The following CST8 variants were observed in gnomAD, a reference collection of about 807,000 sequenced individuals.
CST8 encodes the protein cystatin 8.
In CST8, 20 loss-of-function variants were observed where a neutral mutation model predicts 11.8. The observed-to-expected ratio is 1.70, with a 90% CI of 1.20 to 2.47. The LOEUF is 2.47. Ranked by LOEUF, CST8 falls within the 30% of genes most tolerant of loss-of-function variation. The pLI, the probability that CST8 is intolerant of heterozygous loss-of-function variation, is 0.00. For missense variants in CST8, 196 were observed against 167.2 expected (o/e 1.17, Z -0.95); for synonymous variants, 77 against 63.1 (o/e 1.22, Z -1.05).
intron 1 of CST8, 23 bp downstream of exon 1, chr20:23,491,365 C>T (rs992434586): frequency 3.8e-5 from 16 of 417,406 alleles, no homozygotes; most frequent in Non-Finnish European, 6.2e-5. Context: ...ACACTGGGGC[C>T]GAAGGGGAGA....
downstream of CST8, among the ~76,000 whole-genome samples, chr20:23,500,184 C>G (rs1236255103): frequency 1.3e-5 from 2 of 152,114 alleles, no homozygotes; most frequent in Admixed American, 1.3e-4. Flanking sequence ...CCAAGCACCT[C>G]CCACCAGGCC....
At chr20:23,491,488 C>T in intron 1 of CST8, 37 bp from the exon 2 acceptor site, 1 of 607,892 alleles carries the variant, frequency 1.6e-6, no homozygotes, top group Non-Finnish European at 2.9e-6. Context: ...GAGGACAAAC[C>T]CCAAAGAGTG....
chr20:23,501,936 C>A, the CST8 span, among the ~76,000 whole-genome samples: 1 of 152,172 alleles, frequency 6.6e-6, no homozygotes, highest in African/African-American at 2.4e-5. Flanking sequence ...GTGGACACGC[C>A]GGCTTTCTGC....
Position 23,491,635 on chromosome 20 carries a change from G to A in CST8, c.-33G>A. On this transcript the variant is annotated 5_prime_UTR_variant, in exon 2 of 4. Transcript: ENST00000246012. ...AGCTCCAGCCCTGAGACGACGAGGA[G>A]GAGAGTCGACTTTGCCTCTTGCCCA... 6.5e-7 allele frequency: 1 copy of A among 1,546,114 alleles called. No homozygotes were observed. Among genetic ancestry groups the A allele is most frequent in the Non-Finnish European group, 8.9e-7 (1 of 1,119,040 alleles).
At chr20:23,498,253 C>A (rs1988102964), downstream of CST8, among the ~76,000 whole-genome samples, 2 of 152,006 alleles carry the variant, frequency 1.3e-5, no homozygotes, top group Non-Finnish European at 2.9e-5. Context: ...ACTACACACT[C>A]AAAAATAGTT....
Position 23,492,946 on chromosome 20 carries a change from G to T in CST8, c.232-12G>T. The T allele has an allele frequency of 1.4e-6, 2 of 1,450,382 alleles. No individual in the cohort carries two copies. Among genetic ancestry groups the T allele is most frequent in the Non-Finnish European group, 1.9e-6 (2 of 1,032,162 alleles). The allele number at this position is 1,450,382 out of a possible 1,614,324, so 89.8% of individuals were successfully genotyped here. A position where few individuals can be genotyped will look rare whatever the true frequency, so the allele number is the denominator to read the frequency against. ...CTCTTTTGAATAAAATTGCATAATT[G>T]CTAACCAACAGGTCACAAATCTTCT... On this transcript the variant is annotated splice_polypyrimidine_tract_variant and intron_variant, in intron 2 of 3. Coordinates refer to ENST00000246012, the MANE Select transcript of CST8 (RefSeq NM_005492.4).
rs1988031878 is a variant in CST8, at chr20:23,495,861, C to T, written c.376C>T (p.Leu126Phe). The T allele has an allele frequency of 3.1e-6, 5 of 1,609,912 alleles. No homozygotes were observed. The highest frequency in any genetic ancestry group is 4.2e-6 in the Non-Finnish European group (5 of 1,178,966). The change falls in exon 4 of 4, where the codon CTT becomes TTT. Residue 126 changes from leucine to phenylalanine, a missense_variant. Transcript: ENST00000246012. ...AAGCTGCAGCTTTTTGGTAGGAGCACTTCCCTGGAATGGTGAATTCACTGT... is the reference window on the plus strand; with the variant it reads ...AAGCTGCAGCTTTTTGGTAGGAGCATTTCCCTGGAATGGTGAATTCACTGT... ...KLSCSFLVGA[L>F]PWNGEFTVME...
At chr20:23,502,928 A>G in the CST8 span, among the ~76,000 whole-genome samples, 1 of 152,246 alleles carries the variant, frequency 6.6e-6, no homozygotes, top group Non-Finnish European at 1.5e-5. Flanking sequence ...GAATTTACCA[A>G]TCTAGGGGTT....
the CST8 span, among the ~76,000 whole-genome samples, chr20:23,502,538 T>C: frequency 2.6e-5 from 4 of 152,318 alleles, no homozygotes; most frequent in African/African-American, 9.6e-5. Context: ...TAAACCATCC[T>C]AGTCCCTGCT....
intron 2 of CST8, among the ~76,000 whole-genome samples, 157 bp downstream of exon 2, chr20:23,492,055 G>A (rs925896414): frequency 1.3e-5 from 2 of 152,232 alleles, no homozygotes; most frequent in African/African-American, 4.8e-5. Flanking sequence ...CAATAAGGCA[G>A]TGAACACACA....
chr20:23,499,908 G>A (rs1434845727), downstream of CST8, among the ~76,000 whole-genome samples: 1 of 152,106 alleles, frequency 6.6e-6, no homozygotes, highest in Non-Finnish European at 1.5e-5. Flanking sequence ...AGTTTATTTG[G>A]CTCACAGTTC....
intron 3 of CST8, among the ~76,000 whole-genome samples, chr20:23,494,601 C>A (rs911289176): frequency 3.9e-5 from 6 of 152,054 alleles, no homozygotes; most frequent in African/African-American, 1.4e-4. Flanking sequence ...TTGAGATGGC[C>A]CTTGCGGTTT....
At chr20:23,501,678 A>G in the CST8 span, among the ~76,000 whole-genome samples, 1 of 152,220 alleles carries the variant, frequency 6.6e-6, no homozygotes, top group Non-Finnish European at 1.5e-5. Flanking sequence ...CGAATGTACT[A>G]TTTGGATCCT....
At chr20:23,505,532 A>T in the CST8 span, among the ~76,000 whole-genome samples, 3 of 151,944 alleles carry the variant, frequency 2.0e-5, no homozygotes, top group Non-Finnish European at 4.4e-5. Context: ...GAAAAAAAAA[A>T]ATCACACCCC....
intron 3 of CST8, 106 bp from the exon 4 acceptor site, chr20:23,495,725 C>G (rs1568656727): frequency 1.2e-6 from 1 of 828,710 alleles, no homozygotes; most frequent in Non-Finnish European, 2.0e-6. Context: ...ACCCATCTGT[C>G]AGCACACACC....
At chr20:23,503,835 G>A in the CST8 span, among the ~76,000 whole-genome samples, 5 of 152,194 alleles carry the variant, frequency 3.3e-5, no homozygotes, top group Admixed American at 2.0e-4. Context: ...ACAGAGACGT[G>A]CTGTCCTCGA....
the CST8 span, among the ~76,000 whole-genome samples, chr20:23,502,784 T>C: frequency 6.6e-6 from 1 of 152,248 alleles, no homozygotes; most frequent in Non-Finnish European, 1.5e-5. Flanking sequence ...TCCCGGGCTG[T>C]AGACCTCCAT....
chr20:23,496,454 C>T (rs1056976985), downstream of CST8, among the ~76,000 whole-genome samples: 1 of 151,988 alleles, frequency 6.6e-6, no homozygotes, highest in Admixed American at 6.6e-5. Flanking sequence ...GGGTGGGGGT[C>T]ACAGAGATCA....
At chr20:23,493,973 G>T (rs751405686) in intron 3 of CST8, among the ~76,000 whole-genome samples, 2 of 152,130 alleles carry the variant, frequency 1.3e-5, no homozygotes, top group Non-Finnish European at 2.9e-5. Flanking sequence ...GCTGGCCTTA[G>T]GATCATTTTG....
Sources: gnomAD v4.1 joint callset for allele counts (sites outside exome capture counted in the v4.1 genomes callset) on GRCh38, gnomAD v4.1.1 for gene constraint, MANE v1.5 for transcripts, NCBI Gene and HGNC (gene_info 2026-07-23, HGNC 2026-07-21) for gene names.